DPF3: variants seen among roughly 807,000 people sequenced by gnomAD.
The protein encoded by DPF3 is zinc finger protein DPF3.
A neutral mutation model predicts 56.8 loss-of-function variants in DPF3; 18 were observed. The observed-to-expected ratio is 0.32, with a 90% CI of 0.22 to 0.47. The LOEUF is 0.47. Ranked by LOEUF, DPF3 falls within the 20% of genes least tolerant of loss-of-function variation. The pLI is 1.00. For synonymous variants in DPF3, 188 were observed against 180.2 expected (o/e 1.04, Z -0.35); for missense variants, 403 against 488.8 (o/e 0.82, Z 1.65).
chr14:72,786,074 C>A (rs1307670931), intron 1 of DPF3, among the ~76,000 whole-genome samples: 1 of 152,014 alleles, frequency 6.6e-6, no homozygotes, highest in Non-Finnish European at 1.5e-5. Context: ...CTAGCCTGGC[C>A]AACTTGGTGA....
intron 6 of DPF3, among the ~76,000 whole-genome samples, chr14:72,698,155 G>A (rs933972204): frequency 1.2e-4 from 19 of 152,098 alleles, no homozygotes; most frequent in Non-Finnish European, 2.8e-4. Flanking sequence ...GACTAATCAC[G>A]TGTCAATACA....
intron 8 of DPF3, among the ~76,000 whole-genome samples, chr14:72,641,438 G>T (rs973989159): frequency 6.6e-6 from 1 of 152,186 alleles, no homozygotes; most frequent in African/African-American, 2.4e-5. Context: ...TCCTTCCCCC[G>T]GCGATGAATC....
rs770212840 is a variant in DPF3, at chr14:72,615,435, G to T, written c.*3862C>A. ...CTTAAAACATCAAAACTTTTTAAGC[G>T]GAGGGTTGAAAGGAAGCGGGCTGTA... On this transcript the variant is annotated 3_prime_UTR_variant, in exon 11 of 11. Transcript: ENST00000556509. Among the ~76,000 whole-genome samples the T allele has an allele frequency of 6.6e-6, 1 of 152,176 alleles. No individual in the cohort carries two copies. Among genetic ancestry groups the T allele is most frequent in the Non-Finnish European group, 1.5e-5 (1 of 68,026 alleles).
intron 2 of DPF3, among the ~76,000 whole-genome samples, chr14:72,764,563 A>G (rs1468337031): frequency 7.9e-6 from 1 of 125,926 alleles, no homozygotes; most frequent in African/African-American, 3.1e-5. Context: ...AACTCGGCTC[A>G]CTGCAAGCTC....
chr14:72,659,362 C>T (rs777429362), intron 8 of DPF3, among the ~76,000 whole-genome samples: 14 of 152,146 alleles, frequency 9.2e-5, no homozygotes, highest in Non-Finnish European at 1.5e-4. Context: ...TTTTGCCCTC[C>T]CTCTTGGTCA....
chr14:72,618,634 G>A lies in DPF3; in HGVS notation c.*663C>T, dbSNP rs1884232078. Among the ~76,000 whole-genome samples the A allele has an allele frequency of 6.6e-6, 1 of 152,078 alleles. No homozygotes were observed. The highest frequency in any genetic ancestry group is 6.6e-5 in the Admixed American group (1 of 15,264). On this transcript the variant is annotated 3_prime_UTR_variant, in exon 11 of 11. Transcript: ENST00000556509. ...CCACAATGTTTCCTCCCATGTCTCTGCGCGTCTCCCTCCCTCCCCGCCCCC... is the reference window on the plus strand; with the variant it reads ...CCACAATGTTTCCTCCCATGTCTCTACGCGTCTCCCTCCCTCCCCGCCCCC...
intron 7 of DPF3, among the ~76,000 whole-genome samples, chr14:72,681,654 T>C (rs1887170054): frequency 6.6e-6 from 1 of 152,254 alleles, no homozygotes; most frequent in Admixed American, 6.5e-5. Flanking sequence ...GGTGAATATT[T>C]ACTCCCAAAA....
chr14:72,728,592 T>C (rs1438071095), intron 4 of DPF3, among the ~76,000 whole-genome samples: 1 of 152,146 alleles, frequency 6.6e-6, no homozygotes, highest in South Asian at 2.1e-4. Context: ...AAAGGACAGC[T>C]AGCAAAGTAG....
intron 7 of DPF3, among the ~76,000 whole-genome samples, chr14:72,681,442 CCA>C (rs750943867): frequency 2.4e-4 from 37 of 152,264 alleles, no homozygotes; most frequent in South Asian, 1.5e-3. Context: ...TCAGCTGGCC[CCA>C]GAGTCTTGAG....
chr14:72,729,890 G>A (rs1889567329), intron 4 of DPF3, among the ~76,000 whole-genome samples: 1 of 152,092 alleles, frequency 6.6e-6, no homozygotes, highest in Non-Finnish European at 1.5e-5. Flanking sequence ...AATGCACAAC[G>A]CCAAGAGTGA....
chr14:72,821,551 A>G (rs1883544859), intron 1 of DPF3, among the ~76,000 whole-genome samples: 1 of 152,242 alleles, frequency 6.6e-6, no homozygotes, highest in African/African-American at 2.4e-5. Context: ...CCATGGTACA[A>G]ACTTAATAAA....
At chr14:72,756,869 A>AAAGG (rs1272768857) in intron 2 of DPF3, among the ~76,000 whole-genome samples, 9,733 of 95,442 alleles carry the variant, frequency 0.1, 738 homozygotes, top group Admixed American at 0.12. Flanking sequence ...AGAAAGAAAG[A>AAAGG]AAGGAAGGAA....
intron 1 of DPF3, among the ~76,000 whole-genome samples, chr14:72,884,262 C>T (rs180975353): frequency 2.6e-5 from 4 of 152,338 alleles, no homozygotes; most frequent in Admixed American, 2.6e-4. Context: ...AGGAAAATCC[C>T]ACTGAGATCC....
chr14:72,615,142 G>C lies in DPF3; in HGVS notation c.*4155C>G, dbSNP rs1884016989. On this transcript the variant is annotated 3_prime_UTR_variant, in exon 11 of 11. Coordinates refer to ENST00000556509, the MANE Select transcript of DPF3 (RefSeq NM_001280542.3). ...GGCAGCCGGGGAGTGAGAGAAGAAG[G>C]GGCTGCTTCTGTCCCAGCACTTCCA... 6.6e-6 allele frequency among the ~76,000 whole-genome samples: 1 copy of C among 152,148 alleles called. No individual in the cohort carries two copies. The highest frequency in any genetic ancestry group is 2.4e-5 in the African/African-American group (1 of 41,430).
At position 72,703,230 on chromosome 14, in the gene DPF3, T is replaced by C. The variant is rs762886421; in HGVS notation, c.605-10017A>G. 2.1e-3 allele frequency among the ~76,000 whole-genome samples: 319 copies of C among 152,232 alleles called. 6 individuals are homozygous for C. Among genetic ancestry groups the C allele is most frequent in the Middle Eastern group, 0.014 (4 of 294 alleles). On this transcript the variant is annotated intron_variant, in intron 6 of 10. Coordinates refer to ENST00000556509, the MANE Select transcript of DPF3 (RefSeq NM_001280542.3). ...CTTCATACCTTCTTTCAGGCCACCC[T>C]TGATGCTTATTTTAAGCTGAATTCC...
At chr14:72,787,158 A>G (rs141794937) in intron 1 of DPF3, among the ~76,000 whole-genome samples, 3 of 152,170 alleles carry the variant, frequency 2.0e-5, no homozygotes, top group Admixed American at 2.0e-4. Flanking sequence ...TCCTCTCCCT[A>G]CTGGGCCTCC....
intron 7 of DPF3, among the ~76,000 whole-genome samples, chr14:72,691,326 T>C (rs778245104): frequency 2.0e-5 from 3 of 152,200 alleles, no homozygotes; most frequent in Non-Finnish European, 4.4e-5. Flanking sequence ...TACCTCATAC[T>C]GTGACTTGGT....
In DPF3 at chr14:72,652,263, C is replaced by A. The variant is rs542828457; in HGVS notation, c.871+21977G>T. ...TGAGCCCTGAACAAGACAGAGGGCCCTTCCCCACAAAGCTTCCCAGGCTTG... is the reference window on the plus strand; with the variant it reads ...TGAGCCCTGAACAAGACAGAGGGCCATTCCCCACAAAGCTTCCCAGGCTTG... On this transcript the variant is annotated intron_variant, in intron 8 of 10. Coordinates refer to ENST00000556509, the MANE Select transcript of DPF3 (RefSeq NM_001280542.3). Among the ~76,000 whole-genome samples the A allele has an allele frequency of 3.9e-5, 6 of 152,300 alleles. No homozygotes were observed. The South Asian group carries it at 1.2e-3, about 32-fold the overall frequency.
chr14:72,649,301 G>A (rs1428195077), intron 8 of DPF3, among the ~76,000 whole-genome samples: 1 of 152,078 alleles, frequency 6.6e-6, no homozygotes, highest in African/African-American at 2.4e-5. Context: ...GCCTTCAGCT[G>A]GGGGGCTGTG....
Sources: allele counts gnomAD v4.1 joint callset (sites outside exome capture counted in the v4.1 genomes callset), GRCh38; gene constraint gnomAD v4.1.1; transcripts MANE v1.5; gene names NCBI Gene and HGNC (gene_info 2026-07-23, HGNC 2026-07-21).